OTOG: variants seen among roughly 807,000 people sequenced by gnomAD.
OTOG encodes otogelin.
Under a neutral mutation model 313.8 loss-of-function variants are expected in OTOG, and 296 were observed. The observed-to-expected ratio is 0.94, with a 90% CI of 0.86 to 1.04. The LOEUF (loss-of-function observed/expected upper bound fraction) is 1.04, where lower values mean the gene tolerates loss of function less well. Ranked by LOEUF, OTOG falls within the 50% of genes least tolerant of loss-of-function variation. The pLI is 0.00. For missense variants in OTOG, 3,948 were observed against 3,840.1 expected (o/e 1.03, Z -0.74); for synonymous variants, 1,533 against 1,554.9 (o/e 0.99, Z 0.33).
At chr11:17,549,579 GCAAT>G (rs1304829016) in intron 3 of OTOG, among the ~76,000 whole-genome samples, 4 of 152,228 alleles carry the variant, frequency 2.6e-5, no homozygotes, top group Non-Finnish European at 5.9e-5. Context: ...TGGGGGCCCT[GCAAT>G]GAGCAGGTGG....
intron 39 of OTOG, among the ~76,000 whole-genome samples, chr11:17,615,798 C>T (rs1380485387): frequency 2.0e-5 from 3 of 151,960 alleles, no homozygotes; most frequent in Non-Finnish European, 4.4e-5. Context: ...CGTGGTGGCA[C>T]GCACCTATAA....
intron 7 of OTOG, 99 bp from the exon 8 acceptor site, chr11:17,557,019 C>T (rs1589996112): frequency 8.8e-7 from 1 of 1,132,834 alleles, no homozygotes; most frequent in Non-Finnish European, 1.3e-6. Context: ...GAAGTGGGGG[C>T]CTTGGATCAT....
Position 17,557,332 on chromosome 11 carries a change from C to G in OTOG, c.865+9C>G. 6.5e-7 allele frequency: 1 copy of G among 1,549,334 alleles called. No homozygotes were observed. Among genetic ancestry groups the G allele is most frequent in the Non-Finnish European group, 8.7e-7 (1 of 1,146,532 alleles). ...TCTGGTGACCAGCTCTGGTGAGGGT[C>G]AGACAGGTGGCCTCTGAGGGGTGTT... On this transcript the variant is annotated intron_variant, in intron 8 of 55. Coordinates refer to ENST00000399397, the MANE Select transcript of OTOG (RefSeq NM_001292063.2).
At chr11:17,575,719 A>G (rs16934406) in intron 20 of OTOG, among the ~76,000 whole-genome samples, 25,863 of 152,094 alleles carry the variant, frequency 0.17, 2,835 homozygotes, top group East Asian at 0.28. Flanking sequence ...AATAGGAATC[A>G]CTCATAGGCC....
chr11:17,602,072 C>T lies in OTOG; in HGVS notation c.3710-138C>T, dbSNP rs1853268144. The T allele has an allele frequency of 6.2e-6, 6 of 965,106 alleles. No homozygotes were observed. The South Asian group carries it at 1.0e-4, about 16-fold the overall frequency. 59.8% of individuals were successfully genotyped at this position (965,106 alleles called of 1,614,324 possible). The stretch of plus-strand genomic sequence containing the variant: ...TCAGGGTCATCAAGGTCCCTGAGAT[C>T]TGGGATGAAGGACACCATCAAGAGT... On this transcript the variant is annotated intron_variant, in intron 31 of 55. Coordinates refer to ENST00000399397, the MANE Select transcript of OTOG (RefSeq NM_001292063.2).
At chr11:17,600,205 G>A (rs1273906379) in intron 31 of OTOG, among the ~76,000 whole-genome samples, 2 of 145,096 alleles carry the variant, frequency 1.4e-5, no homozygotes, top group Non-Finnish European at 3.0e-5. Flanking sequence ...TAACGAGGGT[G>A]AAAACACAGG....
chr11:17,638,417 G>A (rs1460985796), intron 47 of OTOG, 34 bp from the exon 48 acceptor site: 2 of 1,506,090 alleles, frequency 1.3e-6, no homozygotes, highest in East Asian at 2.5e-5. Flanking sequence ...AGGTGCCTGT[G>A]ACTGACGTGT....
chr11:17,602,088 C>A, intron 31 of OTOG, 122 bp from the exon 32 acceptor site: 2 of 1,076,942 alleles, frequency 1.9e-6, no homozygotes, highest in Non-Finnish European at 2.6e-6. Context: ...TGAAGGACAC[C>A]ATCAAGAGTT....
At chr11:17,635,565 C>T (rs1376403267) in intron 46 of OTOG, 45 bp from the exon 47 acceptor site, 1 of 1,473,940 alleles carries the variant, frequency 6.8e-7, no homozygotes, top group Non-Finnish European at 9.3e-7. Flanking sequence ...TGCCAGGCCC[C>T]TATGAGAGGA....
At position 17,555,758 on chromosome 11, in the gene OTOG, G is replaced by A. The variant is rs182765833; in HGVS notation, c.541-21G>A. The stretch of plus-strand genomic sequence containing the variant: ...GCCTGTGGCAGGAGCCTGCAAACCA[G>A]CCTCTGAACTCCCTACTCAGGTACA... On this transcript the variant is annotated intron_variant, in intron 6 of 55. Coordinates refer to ENST00000399397, the MANE Select transcript of OTOG (RefSeq NM_001292063.2). The A allele has an allele frequency of 9.8e-4, 1,517 of 1,544,554 alleles. 19 individuals are homozygous for A. The African/African-American group carries it at 0.018, about 18-fold the overall frequency.
rs1172078683 is a variant in OTOG at position 17,558,663 on chromosome 11, G to A, written c.1103+19G>A. On this transcript the variant is annotated intron_variant, in intron 10 of 55. Coordinates refer to ENST00000399397, the MANE Select transcript of OTOG (RefSeq NM_001292063.2). ...TCTGCCAGTGAGTAGGGGTGGTGTG[G>A]GCTATGGGGAACCCTCTAGTATTGG... is the stretch of plus-strand genomic sequence containing the variant. 1.3e-6 allele frequency: 2 copies of A among 1,545,770 alleles called. No individual in the cohort carries two copies. Among genetic ancestry groups the A allele is most frequent in the East Asian group, 2.4e-5 (1 of 40,910 alleles).
At chr11:17,611,552 C>A (rs761438731) in intron 36 of OTOG, 129 bp downstream of exon 36, 6 of 1,023,976 alleles carry the variant, frequency 5.9e-6, no homozygotes, top group Non-Finnish European at 6.9e-6. Flanking sequence ...CTGAAAAATT[C>A]TTCAGTCTCC....
chr11:17,609,203 G>T lies in OTOG; in HGVS notation c.4348G>T (p.Glu1450Ter). ...DEVTQRCVYL[E>*]DCVEPAVWVP... The stretch of plus-strand genomic sequence containing the variant: ...AGTCACACAGAGATGTGTCTACTTG[G>T]AGGACTGTAAGTGGCCCAGACTTCT... Residue 1450 changes from glutamate to a stop codon, truncating the protein, a stop_gained, in exon 35 of 56, where the codon GAG becomes TAG. Transcript: ENST00000399397. LOFTEE classifies it high-confidence loss of function. 6.5e-7 allele frequency: 1 copy of T among 1,550,386 alleles called. No homozygotes were observed. Among genetic ancestry groups the T allele is most frequent in the Non-Finnish European group, 8.7e-7 (1 of 1,146,818 alleles).
chr11:17,614,843 G>C (rs149354861), intron 39 of OTOG, among the ~76,000 whole-genome samples: 1 of 152,160 alleles, frequency 6.6e-6, no homozygotes, highest in Non-Finnish European at 1.5e-5. Flanking sequence ...AAATAAAGTG[G>C]CTATAAACAG....
chr11:17,549,438 G>C (rs1447088110), intron 3 of OTOG, among the ~76,000 whole-genome samples: 1 of 152,200 alleles, frequency 6.6e-6, no homozygotes, highest in Non-Finnish European at 1.5e-5. Context: ...GGATTTCCTG[G>C]ATCTTTTACT....
intron 29 of OTOG, among the ~76,000 whole-genome samples, chr11:17,596,382 A>G (rs1461574851): frequency 6.6e-6 from 1 of 152,234 alleles, no homozygotes; most frequent in African/African-American, 2.4e-5. Context: ...TTTCAAGCCC[A>G]TCTTGATCTG....
Position 17,555,850 on chromosome 11 carries a change from T to A in OTOG, c.612T>A (p.Gly204=). The A allele has an allele frequency of 6.4e-7, 1 of 1,550,968 alleles. No individual in the cohort carries two copies. The highest frequency in any genetic ancestry group is 8.7e-7 in the Non-Finnish European group (1 of 1,147,070). ...CSRAVSLFFV[G]EQEIHLAKEV... ...GGGCTGTCAGCCTCTTCTTTGTGGG[T>A]GAGCAGGAGATCCATCTGGCCAAGG... The change falls in exon 7 of 56, where the codon GGT becomes GGA. Residue 204 remains glycine, a synonymous_variant. Transcript: ENST00000399397.
chr11:17,613,631 C>G lies in OTOG; in HGVS notation c.6458C>G (p.Pro2153Arg). ...SANLGHLNWP[P>R]FCLVMLNMTH... ...CTGCAGGGGCACCTGAACTGGCCCC[C>G]GTTCTGTCTGGTGATGTTGAACATG... Residue 2153 changes from proline (P) to arginine (R), a missense_variant, in exon 39 of 56, where the codon CCG becomes CGG. Physicochemically the swap from Pro to Arg is moderately radical, Grantham distance 103. Transcript: ENST00000399397. The G allele has an allele frequency of 6.4e-7, 1 of 1,550,686 alleles. No individual in the cohort carries two copies. Among genetic ancestry groups the G allele is most frequent in the South Asian group, 1.2e-5 (1 of 84,042 alleles).
chr11:17,589,187 G>A (rs1027114290), intron 24 of OTOG, among the ~76,000 whole-genome samples: 10 of 152,086 alleles, frequency 6.6e-5, no homozygotes, highest in Admixed American at 3.3e-4. Flanking sequence ...TCCAGCTCTC[G>A]TTTTAAATTC....
Sources: gnomAD v4.1 joint callset for allele counts (sites outside exome capture counted in the v4.1 genomes callset) on GRCh38, gnomAD v4.1.1 for gene constraint, MANE v1.5 for transcripts, NCBI Gene and HGNC (gene_info 2026-07-23, HGNC 2026-07-21) for gene names.